The following JAZF1 variants were observed in gnomAD, a reference collection of about 807,000 sequenced individuals.
JAZF1 encodes the protein juxtaposed with another zinc finger protein 1.
In JAZF1, 8 loss-of-function variants were observed where a neutral mutation model predicts 26.4. The observed-to-expected ratio is 0.30, with a 90% CI of 0.18 to 0.55. The LOEUF (loss-of-function observed/expected upper bound fraction) is 0.55, where lower values mean the gene tolerates loss of function less well. JAZF1 is among the 20% of genes least tolerant of loss of function. The probability of loss-of-function intolerance (pLI) is 0.94; values close to 1 mark genes in which losing one functional copy is unlikely to be tolerated. For missense variants in JAZF1, 199 were observed against 322.0 expected (o/e 0.62, Z 2.92); for synonymous variants, 126 against 122.3 (o/e 1.03, Z -0.20).
At chr7:28,008,951 T>C (rs940936637) in intron 1 of JAZF1, among the ~76,000 whole-genome samples, 1 of 152,222 alleles carries the variant, frequency 6.6e-6, no homozygotes, top group African/African-American at 2.4e-5. Context: ...AATGATTTTA[T>C]CACACATTCA....
intron 1 of JAZF1, among the ~76,000 whole-genome samples, chr7:28,141,315 C>G (rs1782956288): frequency 6.6e-6 from 1 of 152,162 alleles, no homozygotes; most frequent in Non-Finnish European, 1.5e-5. Flanking sequence ...AAAGACTTGG[C>G]TTTTTAAGCT....
Position 27,930,554 on chromosome 7 carries a change from G to A in JAZF1, c.189-35138C>T, listed in dbSNP as rs140501970. Among the ~76,000 whole-genome samples, 1,308 of 152,196 alleles carry A rather than the reference G, an allele frequency of 8.6e-3. 20 individuals carry two copies. The highest frequency in any genetic ancestry group is 0.031 in the Middle Eastern group (9 of 294). On this transcript the variant is annotated intron_variant, in intron 2 of 4. Transcript: ENST00000283928. The stretch of plus-strand genomic sequence containing the variant: ...GAAAACAGGCACATTTACAGCATAC[G>A]AAAAGGCAATACAACACAAGTATGT...
chr7:28,020,095 G>A (rs916058592), intron 1 of JAZF1, among the ~76,000 whole-genome samples: 5 of 151,904 alleles, frequency 3.3e-5, no homozygotes, highest in Non-Finnish European at 7.4e-5. Flanking sequence ...TTTCCCTATA[G>A]GTTAAGCTTT....
intron 2 of JAZF1, among the ~76,000 whole-genome samples, chr7:27,983,955 A>G (rs2128362968): frequency 6.6e-6 from 1 of 152,376 alleles, no homozygotes; most frequent in Non-Finnish European, 1.5e-5. Flanking sequence ...AGGAAGCACT[A>G]AACATGGAAA....
At chr7:28,162,752 C>T (rs191842993) in intron 1 of JAZF1, among the ~76,000 whole-genome samples, 2 of 152,276 alleles carry the variant, frequency 1.3e-5, no homozygotes, top group Admixed American at 6.5e-5. Context: ...GTGTATAAAA[C>T]GTCTGATGAA....
rs1783744430 is a variant in JAZF1 at position 27,880,155 on chromosome 7, T to C, written c.385+15065A>G. Among the ~76,000 whole-genome samples, 3 of 152,232 alleles carry C rather than the reference T, an allele frequency of 2.0e-5. No homozygotes were observed. In the South Asian group the frequency reaches 6.2e-4, roughly 31 times the overall value. On this transcript the variant is annotated intron_variant, in intron 3 of 4. Transcript: ENST00000283928. ...AATGTTCATCAGTGTGCCACATTTA[T>C]AGCTTTAGCTAAAGGTCTCCCACAT...
rs975946008 is a variant in JAZF1 at position 27,840,479 on chromosome 7, A to C, written c.555+219T>G. On this transcript the variant is annotated intron_variant, in intron 4 of 4. Coordinates refer to ENST00000283928, the MANE Select transcript of JAZF1 (RefSeq NM_175061.4). This position sits in a 1 kb window ranked among gnomAD's most constrained non-coding sequence, Gnocchi z 5.1. ...TGACTGCCAGGCTCCCACGTAGGTG[A>C]GCAGAGGGGAAAGCCCCGGCAGCAG... Among the ~76,000 whole-genome samples, 2 of 152,224 alleles carry C rather than the reference A, an allele frequency of 1.3e-5. No homozygotes were observed. Among genetic ancestry groups the C allele is most frequent in the African/African-American group, 4.8e-5 (2 of 41,446 alleles).
intron 1 of JAZF1, among the ~76,000 whole-genome samples, chr7:28,132,677 A>G (rs902709890): frequency 6.6e-6 from 1 of 152,228 alleles, no homozygotes; most frequent in Non-Finnish European, 1.5e-5. Flanking sequence ...CCACATGCAT[A>G]AACATAGATG....
At chr7:27,858,787 A>T (rs564248374) in intron 3 of JAZF1, among the ~76,000 whole-genome samples, 61 of 152,332 alleles carry the variant, frequency 4.0e-4, no homozygotes, top group Middle Eastern at 6.8e-3. Context: ...CTAGAAGAAA[A>T]CCTAGGCAAT....
At chr7:28,165,552 C>A (rs1056476110) in intron 1 of JAZF1, among the ~76,000 whole-genome samples, 1 of 152,174 alleles carries the variant, frequency 6.6e-6, no homozygotes. Flanking sequence ...CAAGGCTACA[C>A]ATGCAGGTCC....
At chr7:28,110,856 T>C (rs10275834) in intron 1 of JAZF1, among the ~76,000 whole-genome samples, 96,316 of 151,984 alleles carry the variant, frequency 0.63, 31,920 homozygotes, top group Non-Finnish European at 0.73. Context: ...ACTCGCAACC[T>C]GGGAGCCTTG....
At chr7:28,052,041 T>A (rs1304762051) in intron 1 of JAZF1, among the ~76,000 whole-genome samples, 4 of 152,102 alleles carry the variant, frequency 2.6e-5, no homozygotes, top group Non-Finnish European at 5.9e-5. Flanking sequence ...GAAAAAAAAA[T>A]TAACCTTGTG....
In JAZF1 at chr7:28,049,375, C is replaced by T. The variant is rs565668785; in HGVS notation, c.116-57394G>A. 3.3e-5 allele frequency among the ~76,000 whole-genome samples: 5 copies of T among 152,094 alleles called. No individual in the cohort carries two copies. In the South Asian group the frequency reaches 6.2e-4, roughly 19 times the overall value. On this transcript the variant is annotated intron_variant, in intron 1 of 4. Transcript: ENST00000283928. ...CTAGGATTACAGGCGTGAGCCACCG[C>T]GCCCGGCCGGAAACCCTTTCTTTCT...
At chr7:28,073,286 C>T (rs1784004741) in intron 1 of JAZF1, among the ~76,000 whole-genome samples, 1 of 152,116 alleles carries the variant, frequency 6.6e-6, no homozygotes, top group Non-Finnish European at 1.5e-5. Flanking sequence ...TCCCATGAAG[C>T]CCACACACCC....
chr7:28,028,413 T>G (rs181174643), intron 1 of JAZF1, among the ~76,000 whole-genome samples: 1 of 152,250 alleles, frequency 6.6e-6, no homozygotes, highest in African/African-American at 2.4e-5. Flanking sequence ...ACTATGGCTG[T>G]ATTCTTAAGG....
rs528329404 is a variant in JAZF1 at position 27,927,140 on chromosome 7, G to A, written c.189-31724C>T. On this transcript the variant is annotated intron_variant, in intron 2 of 4. Transcript: ENST00000283928. ...GGGAGAAGGGAGTAACTGAGTAGCC[G>A]AGGATGCACAGGAGATCCAGGAGCT... Among the ~76,000 whole-genome samples the A allele has an allele frequency of 5.3e-5, 8 of 152,284 alleles. No individual in the cohort carries two copies. In the East Asian group the frequency reaches 7.7e-4, roughly 15 times the overall value.
intron 1 of JAZF1, among the ~76,000 whole-genome samples, chr7:28,129,182 C>T (rs11972836): frequency 0.044 from 6,622 of 152,126 alleles, 392 homozygotes; most frequent in African/African-American, 0.14. Context: ...CTCCCTCTAC[C>T]TCTCATATTT....
At chr7:27,934,881 T>A (rs1479247064) in intron 2 of JAZF1, among the ~76,000 whole-genome samples, 1 of 152,196 alleles carries the variant, frequency 6.6e-6, no homozygotes, top group Non-Finnish European at 1.5e-5. Flanking sequence ...AAAACTTTAG[T>A]GTTGCAAATG....
intron 2 of JAZF1, 116 bp from the exon 3 acceptor site, chr7:27,895,532 A>C (rs1160308809): frequency 1.7e-6 from 1 of 576,552 alleles, no homozygotes; most frequent in African/African-American, 1.9e-5. Flanking sequence ...GCCACAGGTC[A>C]GTCCCAATCT....
Sources: gnomAD v4.1 joint callset for allele counts (sites outside exome capture counted in the v4.1 genomes callset) on GRCh38, gnomAD v4.1.1 for gene constraint, Gnocchi (gnomAD v3.1) non-coding constraint, MANE v1.5 for transcripts, NCBI Gene and HGNC (gene_info 2026-07-23, HGNC 2026-07-21) for gene names.